PRMT3: variants seen among roughly 807,000 people sequenced by gnomAD.
The protein encoded by PRMT3 is protein arginine N-methyltransferase 3.
A neutral mutation model predicts 71.9 loss-of-function variants in PRMT3; 62 were observed. That is an observed-to-expected ratio of 0.86 (90% CI 0.70 to 1.07). The LOEUF is 1.07. Among genes scored for constraint, PRMT3 ranks in the 50% least tolerant of loss-of-function variants. The pLI is 0.00. For missense variants in PRMT3, 663 were observed against 643.0 expected, an observed-to-expected ratio of 1.03 and a Z score of -0.34; for synonymous variants, 213 against 220.4, an observed-to-expected ratio of 0.97 and a Z score of 0.30.
At chr11:20,416,560 T>C (rs6483678) in intron 9 of PRMT3, among the ~76,000 whole-genome samples, 125,816 of 152,102 alleles carry the variant, frequency 0.83, 53,750 homozygotes, top group Non-Finnish European at 0.95. Context: ...TTTCAAGATT[T>C]GGGACATTAC....
chr11:20,461,795 G>T (rs188646126), intron 11 of PRMT3, among the ~76,000 whole-genome samples, 185 bp from the exon 12 acceptor site: 1 of 151,966 alleles, frequency 6.6e-6, no homozygotes, highest in African/African-American at 2.4e-5. Flanking sequence ...ATGATAATGC[G>T]TATCTGTTTT....
At chr11:20,393,112 T>G in intron 5 of PRMT3, 113 bp downstream of exon 5, 1 of 695,228 alleles carries the variant, frequency 1.4e-6, no homozygotes. Flanking sequence ...ATCTAAATGC[T>G]TCATCAGGTA....
intron 15 of PRMT3, among the ~76,000 whole-genome samples, chr11:20,504,768 C>G (rs1431593007): frequency 6.9e-6 from 1 of 145,934 alleles, no homozygotes; most frequent in African/African-American, 2.7e-5. Flanking sequence ...GAGACTCGGT[C>G]TGTCGCCCAG....
chr11:20,503,382 A>G (rs915005641), intron 15 of PRMT3, among the ~76,000 whole-genome samples: 4 of 152,162 alleles, frequency 2.6e-5, no homozygotes, highest in Non-Finnish European at 4.4e-5. Flanking sequence ...TAATTTACAT[A>G]TAATCAAAAT....
chr11:20,387,781 ACCCT>A lies in PRMT3; in HGVS notation c.28+8_28+11del. 6.5e-7 allele frequency: 1 copy of A among 1,541,912 alleles called. No individual in the cohort carries two copies. The highest frequency in any genetic ancestry group is 8.7e-7 in the Non-Finnish European group (1 of 1,146,298). ...TTAGCGTCAGGCGCTACCGGTGGGTACCCTGGCCCCTCAGCACCCGGCTCGTCCA... is the reference window on the plus strand; with the variant it reads ...TTAGCGTCAGGCGCTACCGGTGGGTAGGCCCCTCAGCACCCGGCTCGTCCA... On this transcript the variant is annotated splice_region_variant and intron_variant, in intron 1 of 15. Transcript: ENST00000331079. This position sits in a 1 kb window ranked among gnomAD's most constrained non-coding sequence, Gnocchi z 4.3.
chr11:20,508,590 G>A lies in PRMT3; in HGVS notation c.*177G>A. On this transcript the variant is annotated 3_prime_UTR_variant, in exon 16 of 16. Transcript: ENST00000331079. ...TCTGACATAGTTCAGCTGAGGAAGA[G>A]AATCAGCTGATCCTCATGGTCTGCC... is the stretch of plus-strand genomic sequence containing the variant. The A allele has an allele frequency of 1.4e-6, 1 of 694,336 alleles. No homozygotes were observed. Among genetic ancestry groups the A allele is most frequent in the South Asian group, 1.5e-5 (1 of 66,668 alleles). 43.0% of individuals were successfully genotyped at this position (694,336 alleles called of 1,614,324 possible). A position where few individuals can be genotyped will look rare whatever the true frequency, so the allele number is the denominator to read the frequency against.
intron 10 of PRMT3, among the ~76,000 whole-genome samples, chr11:20,449,083 C>T (rs758054930): frequency 1.3e-4 from 20 of 152,068 alleles, no homozygotes; most frequent in Admixed American, 9.2e-4. Flanking sequence ...GGGAGCCTAT[C>T]GTAAAATGAA....
At chr11:20,495,102 C>T (rs1173747080) in intron 15 of PRMT3, among the ~76,000 whole-genome samples, 1 of 152,170 alleles carries the variant, frequency 6.6e-6, no homozygotes, top group Non-Finnish European at 1.5e-5. Flanking sequence ...CATCTCAGCT[C>T]ACTGCAACCT....
chr11:20,390,761 C>T (rs1364009230), intron 3 of PRMT3, among the ~76,000 whole-genome samples: 2 of 152,212 alleles, frequency 1.3e-5, no homozygotes, highest in African/African-American at 4.8e-5. Context: ...AGGTGGATCA[C>T]AAGGTCAAGA....
At chr11:20,437,866 G>A (rs1444978415) in intron 10 of PRMT3, among the ~76,000 whole-genome samples, 1 of 152,114 alleles carries the variant, frequency 6.6e-6, no homozygotes, top group African/African-American at 2.4e-5. Context: ...TGGGATTACA[G>A]GCGTGAGCCA....
chr11:20,481,540 G>C (rs1211883032), intron 13 of PRMT3, among the ~76,000 whole-genome samples: 1 of 152,030 alleles, frequency 6.6e-6, no homozygotes, highest in African/African-American at 2.4e-5. Flanking sequence ...CTTAAAGAAC[G>C]GGTTGTATTG....
intron 6 of PRMT3, among the ~76,000 whole-genome samples, chr11:20,397,077 A>G (rs1017195518): frequency 3.9e-5 from 6 of 152,248 alleles, no homozygotes; most frequent in African/African-American, 1.4e-4. Context: ...TACCTTATGG[A>G]TTCCTAATAT....
At chr11:20,422,644 C>G (rs1396662107) in intron 9 of PRMT3, among the ~76,000 whole-genome samples, 2 of 152,106 alleles carry the variant, frequency 1.3e-5, no homozygotes, top group Non-Finnish European at 2.9e-5. Flanking sequence ...GGATTCAATC[C>G]TCTGCCAGTT....
intron 15 of PRMT3, among the ~76,000 whole-genome samples, chr11:20,495,759 T>C (rs912302813): frequency 6.6e-6 from 1 of 152,186 alleles, no homozygotes; most frequent in Admixed American, 6.5e-5. Flanking sequence ...TACATATAAG[T>C]CTTCTTGTAC....
intron 9 of PRMT3, among the ~76,000 whole-genome samples, chr11:20,424,435 G>A (rs2133348939): frequency 6.6e-6 from 1 of 152,264 alleles, no homozygotes; most frequent in African/African-American, 2.4e-5. Flanking sequence ...CCGTAAGTTA[G>A]TGATAGTTTT....
intron 11 of PRMT3, among the ~76,000 whole-genome samples, chr11:20,460,731 A>T (rs1413635238): frequency 6.6e-6 from 1 of 152,118 alleles, no homozygotes; most frequent in Non-Finnish European, 1.5e-5. Flanking sequence ...GCCCATATTT[A>T]TGTCCTATTA....
intron 13 of PRMT3, among the ~76,000 whole-genome samples, chr11:20,483,690 C>G (rs531161158): frequency 6.6e-6 from 1 of 152,246 alleles, no homozygotes; most frequent in East Asian, 1.9e-4. Context: ...TAGAGACATT[C>G]ATTTAGAAGG....
intron 4 of PRMT3, 119 bp downstream of exon 4, chr11:20,392,379 T>C (rs1848733721): frequency 9.4e-7 from 1 of 1,068,142 alleles, no homozygotes. Flanking sequence ...GTACTCATCA[T>C]ATTGGGGGAA....
At chr11:20,424,527 G>C (rs1047709564) in intron 9 of PRMT3, among the ~76,000 whole-genome samples, 2 of 152,016 alleles carry the variant, frequency 1.3e-5, no homozygotes, top group African/African-American at 4.8e-5. Context: ...ATTGATATGG[G>C]GGAAAAATGA....
Sources: gnomAD v4.1 joint callset for allele counts (sites outside exome capture counted in the v4.1 genomes callset) on GRCh38, gnomAD v4.1.1 for gene constraint, Gnocchi (gnomAD v3.1) non-coding constraint, MANE v1.5 for transcripts, NCBI Gene and HGNC (gene_info 2026-07-23, HGNC 2026-07-21) for gene names.